Variants in PHF3 observed in about 807,000 individuals in gnomAD.
PHF3 encodes PHD finger protein 3.
In PHF3, 41 loss-of-function variants were observed where a neutral mutation model predicts 178.4. The ratio of observed to expected loss-of-function variants is 0.23; its 90% CI spans 0.18 to 0.30. The LOEUF (loss-of-function observed/expected upper bound fraction) is 0.30, where lower values mean the gene tolerates loss of function less well. Ranked by LOEUF, PHF3 falls within the 10% of genes least tolerant of loss-of-function variation. The pLI is 1.00. For synonymous variants in PHF3, 842 were observed against 800.5 expected (o/e 1.05, Z -0.88); for missense variants, 2,346 against 2,398.1 (o/e 0.98, Z 0.45).
chr6:63,690,169 TTC>T (rs1766933651), intron 4 of PHF3, among the ~76,000 whole-genome samples: 1 of 152,182 alleles, frequency 6.6e-6, no homozygotes, highest in Non-Finnish European at 1.5e-5. Context: ...TAGGAATTAT[TTC>T]TGTCTTCTAA....
chr6:63,664,844 G>A (rs1320797681), intron 2 of PHF3, among the ~76,000 whole-genome samples: 1 of 151,718 alleles, frequency 6.6e-6, no homozygotes, highest in Non-Finnish European at 1.5e-5. Flanking sequence ...GAAATTTATT[G>A]TAGTTATTGT....
chr6:63,655,923 A>G (rs1765215019), intron 2 of PHF3, among the ~76,000 whole-genome samples: 1 of 152,172 alleles, frequency 6.6e-6, no homozygotes, highest in Admixed American at 6.6e-5. Context: ...GATTACAGGC[A>G]TGAACCACTG....
At chr6:63,683,313 G>A (rs1404722300) in intron 3 of PHF3, among the ~76,000 whole-genome samples, 2 of 151,724 alleles carry the variant, frequency 1.3e-5, no homozygotes, top group African/African-American at 4.8e-5. Flanking sequence ...TGTACTTACT[G>A]AATTATTTAG....
intron 4 of PHF3, among the ~76,000 whole-genome samples, chr6:63,691,503 G>A (rs1437923328): frequency 2.6e-5 from 4 of 151,900 alleles, no homozygotes; most frequent in Non-Finnish European, 5.9e-5. Context: ...CCCTCCCCCA[G>A]CATTTTCTCA....
chr6:63,650,467 CT>C (rs576276625), intron 2 of PHF3, among the ~76,000 whole-genome samples: 25 of 152,258 alleles, frequency 1.6e-4, no homozygotes, highest in African/African-American at 6.0e-4. Flanking sequence ...TCACATGTTG[CT>C]TTCCTATCAT....
chr6:63,711,733 G>T lies in PHF3; in HGVS notation c.4145G>T (p.Ser1382Ile). The change falls in exon 16 of 16, where the codon AGT (serine) becomes ATT (isoleucine). Residue 1382 changes from serine to isoleucine, a missense_variant. Physicochemically the swap from Ser to Ile is moderately radical, Grantham distance 142. Coordinates refer to ENST00000262043, the MANE Select transcript of PHF3 (RefSeq NM_001370348.2). ...ATAGCATTGCCACCTGATAAAAAAA[G>T]TAAAATAGAAGTTTCTACAGAAGAA... ...PPIALPPDKKSKIEVSTEEAP... is the reference protein window; with the variant it reads ...PPIALPPDKKIKIEVSTEEAP... The T allele has an allele frequency of 6.2e-7, 1 of 1,613,832 alleles. No individual in the cohort carries two copies. The highest frequency in any genetic ancestry group is 1.1e-5 in the South Asian group (1 of 91,044).
chr6:63,699,447 A>T (rs1343110526), intron 8 of PHF3, among the ~76,000 whole-genome samples: 9 of 152,162 alleles, frequency 5.9e-5, no homozygotes, highest in Admixed American at 3.3e-4. Flanking sequence ...ACAGTAGGTG[A>T]TTTGAGGTAT....
intron 4 of PHF3, among the ~76,000 whole-genome samples, chr6:63,688,026 T>TA (rs1219909421): frequency 5.3e-5 from 8 of 151,602 alleles, no homozygotes; most frequent in Middle Eastern, 3.4e-3. Context: ...CTACTAAAAA[T>TA]ACAAAAAATT....
In PHF3 at chr6:63,709,200, T is replaced by C; in HGVS notation, c.3761T>C (p.Val1254Ala). Reference sequence around the variant, plus strand: ...GGTGGCAGGATATCACCTCAGACAGTTTGGGATTATGTGGAAAAAATAAAA... The same window carrying C: ...GGTGGCAGGATATCACCTCAGACAGCTTGGGATTATGTGGAAAAAATAAAA... ...QVGGRISPQT[V>A]WDYVEKIKAS... Residue 1254 changes from valine (V) to alanine (A), a missense_variant, in exon 14 of 16, where the codon GTT (valine) becomes GCT (alanine). By Grantham distance (64) the Val-to-Ala change is moderately conservative. Around this residue, in one of 8 missense-constraint regions of PHF3, gnomAD observed 90 missense variants for 136.6 expected, o/e 0.66. Transcript: ENST00000262043. 6.2e-7 allele frequency: 1 copy of C among 1,612,352 alleles called. No individual in the cohort carries two copies. The highest frequency in any genetic ancestry group is 8.5e-7 in the Non-Finnish European group (1 of 1,179,018).
At chr6:63,644,817 G>A (rs1764713787) in intron 1 of PHF3, among the ~76,000 whole-genome samples, 1 of 151,644 alleles carries the variant, frequency 6.6e-6, no homozygotes, top group Admixed American at 6.6e-5. Flanking sequence ...TCATCTCTCA[G>A]GTATGCACCT....
At chr6:63,667,912 C>G (rs1289062516) in intron 2 of PHF3, among the ~76,000 whole-genome samples, 1 of 152,148 alleles carries the variant, frequency 6.6e-6, no homozygotes, top group Non-Finnish European at 1.5e-5. Flanking sequence ...TCATCTGACT[C>G]TTGATGTTAA....
chr6:63,687,605 T>C (rs1271325982), intron 4 of PHF3, among the ~76,000 whole-genome samples: 2 of 152,210 alleles, frequency 1.3e-5, no homozygotes, highest in Admixed American at 6.5e-5. Flanking sequence ...GTAAATGAAT[T>C]TCTAACATGA....
rs967277103 is a variant in PHF3 at position 63,724,093 on chromosome 6, C to T, written c.*10385C>T. ...AAGTGGTGGGATTACAGGCATATGCCACTGCACCTGGCCTTGGATTCGCAT... is the reference window on the plus strand; with the variant it reads ...AAGTGGTGGGATTACAGGCATATGCTACTGCACCTGGCCTTGGATTCGCAT... On this transcript the variant is annotated 3_prime_UTR_variant, in exon 16 of 16. Coordinates refer to ENST00000262043, the MANE Select transcript of PHF3 (RefSeq NM_001370348.2). Among the ~76,000 whole-genome samples the T allele has an allele frequency of 6.6e-6, 1 of 152,096 alleles. No homozygotes were observed. The highest frequency in any genetic ancestry group is 2.4e-5 in the African/African-American group (1 of 41,424).
At chr6:63,656,623 T>A (rs1765246109) in intron 2 of PHF3, among the ~76,000 whole-genome samples, 1 of 152,220 alleles carries the variant, frequency 6.6e-6, no homozygotes, top group Non-Finnish European at 1.5e-5. Flanking sequence ...TTTCTAGGCA[T>A]GTTATACATC....
intron 1 of PHF3, among the ~76,000 whole-genome samples, chr6:63,641,410 A>G (rs1303101822): frequency 6.6e-6 from 1 of 151,850 alleles, no homozygotes; most frequent in Non-Finnish European, 1.5e-5. Context: ...CTCCCCTCAC[A>G]CCACCCCCCT....
At chr6:63,648,992 C>T (rs995747638) in intron 2 of PHF3, among the ~76,000 whole-genome samples, 7 of 151,922 alleles carry the variant, frequency 4.6e-5, no homozygotes, top group Admixed American at 4.6e-4. Context: ...AAAAGGCCCA[C>T]ACATTTTCTG....
Position 63,721,823 on chromosome 6 carries a change from G to C in PHF3, c.*8115G>C. The C allele has an allele frequency of 6.6e-7, 1 of 1,520,066 alleles. No homozygotes were observed. The highest frequency in any genetic ancestry group is 8.8e-7 in the Non-Finnish European group (1 of 1,133,162). 94.2% of individuals were successfully genotyped at this position (1,520,066 alleles called of 1,614,324 possible). On this transcript the variant is annotated 3_prime_UTR_variant, in exon 16 of 16. Coordinates refer to ENST00000262043, the MANE Select transcript of PHF3 (RefSeq NM_001370348.2). ...CTGCAAGAAAGCAAACAGTAAGTTTGATTAGCAACAGTAAAAGTTTCCATT... is the reference window on the plus strand; with the variant it reads ...CTGCAAGAAAGCAAACAGTAAGTTTCATTAGCAACAGTAAAAGTTTCCATT...
intron 4 of PHF3, among the ~76,000 whole-genome samples, chr6:63,690,871 T>C (rs1037203028): frequency 1.3e-5 from 2 of 152,152 alleles, no homozygotes; most frequent in Non-Finnish European, 2.9e-5. Flanking sequence ...ACTGGAAAGA[T>C]AGAAGCTTTT....
At chr6:63,705,985 G>T in intron 11 of PHF3, 44 bp from the exon 12 acceptor site, 1 of 1,459,602 alleles carries the variant, frequency 6.9e-7, no homozygotes, top group Non-Finnish European at 9.3e-7. Flanking sequence ...AGTTATAAAA[G>T]TTGTAGTTAA....
Sources: gnomAD v4.1 joint callset for allele counts (sites outside exome capture counted in the v4.1 genomes callset) on GRCh38, gnomAD v4.1.1 for gene constraint, gnomAD v4.1.1 regional missense constraint, MANE v1.5 for transcripts, NCBI Gene and HGNC (gene_info 2026-07-23, HGNC 2026-07-21) for gene names.